MCF2L: variants seen among roughly 807,000 people sequenced by gnomAD.
MCF2L encodes the protein MCF.2 cell line derived transforming sequence like.
Under a neutral mutation model 153.4 loss-of-function variants are expected in MCF2L, and 97 were observed. That is an observed-to-expected ratio of 0.63 (90% CI 0.54 to 0.75). The LOEUF (loss-of-function observed/expected upper bound fraction) is 0.75, where lower values mean the gene tolerates loss of function less well. Among genes scored for constraint, MCF2L ranks in the 30% least tolerant of loss-of-function variants. The pLI, the probability that MCF2L is intolerant of heterozygous loss-of-function variation, is 0.00. For synonymous variants in MCF2L, 659 were observed against 632.2 expected (o/e 1.04, Z -0.64); for missense variants, 1,347 against 1,495.2 (o/e 0.90, Z 1.64).
rs190676918 is a variant in MCF2L, at chr13:113,027,907, G to A, written c.278+3149G>A. Reference sequence around the variant, plus strand: ...GCCAGAGGGGTGTCCTGGGGAGGGCGGTCATCTCCAAGCCTCCAGGCCTTT... The same window carrying A: ...GCCAGAGGGGTGTCCTGGGGAGGGCAGTCATCTCCAAGCCTCCAGGCCTTT... On this transcript the variant is annotated intron_variant, in intron 3 of 29. Coordinates refer to ENST00000535094, the MANE Select transcript of MCF2L (RefSeq NM_001112732.3). The surrounding 1 kb of genome is among the most constrained non-coding windows in gnomAD (Gnocchi z 4.8). Among the ~76,000 whole-genome samples, 7 of 152,314 alleles carry A rather than the reference G, an allele frequency of 4.6e-5. No individual in the cohort carries two copies. The highest frequency in any genetic ancestry group is 2.6e-4 in the Admixed American group (4 of 15,300).
At position 112,969,383 on chromosome 13, in the gene MCF2L, A is replaced by C. The variant is rs777895059; in HGVS notation, c.4A>C (p.Arg2=). The change falls in exon 1 of 30, where the codon AGG becomes CGG. Residue 2 remains arginine, a synonymous_variant. Transcript: ENST00000535094. This position sits in a 1 kb window ranked among gnomAD's most constrained non-coding sequence, Gnocchi z 4.8. M[R]FWLRTEEMAL... Reference sequence around the variant, plus strand: ...ATCATTTTTGTTGTGTCGGAGGATGAGGTTTTGGCTGAGGACTGAAGAGAT... The same window carrying C: ...ATCATTTTTGTTGTGTCGGAGGATGCGGTTTTGGCTGAGGACTGAAGAGAT... 195 of 1,549,974 alleles carry C rather than the reference A, an allele frequency of 1.3e-4. No individual in the cohort carries two copies. Among genetic ancestry groups the C allele is most frequent in the Middle Eastern group, 3.3e-4 (2 of 6,012 alleles).
chr13:113,065,187 G>A (rs760210616), intron 7 of MCF2L, 102 bp downstream of exon 7: 39 of 1,436,784 alleles, frequency 2.7e-5, no homozygotes, highest in Admixed American at 2.0e-4. Context: ...TCGTCCCAGC[G>A]GGAGTTTGTG....
intron 1 of MCF2L, among the ~76,000 whole-genome samples, chr13:112,986,995 T>C (rs2082671442): frequency 6.6e-6 from 1 of 151,954 alleles, no homozygotes; most frequent in African/African-American, 2.4e-5. Context: ...CAGGTGGGAC[T>C]CGGAGCCAGT....
At chr13:112,901,083 G>C (rs1479903644) in intron 1 of MCF2L, among the ~76,000 whole-genome samples, 1 of 152,198 alleles carries the variant, frequency 6.6e-6, no homozygotes, top group Admixed American at 6.5e-5. Context: ...AGCAGAACTG[G>C]GCGACAGGAT....
intron 21 of MCF2L, among the ~76,000 whole-genome samples, chr13:113,086,537 C>T (rs1375601334): frequency 6.6e-6 from 1 of 152,178 alleles, no homozygotes; most frequent in Non-Finnish European, 1.5e-5. Flanking sequence ...CAGCTCAGAC[C>T]TCCTCACTCC....
chr13:113,011,291 C>A (rs2084079401), intron 1 of MCF2L, among the ~76,000 whole-genome samples: 1 of 152,214 alleles, frequency 6.6e-6, no homozygotes, highest in South Asian at 2.1e-4. Context: ...ACAGGGGGAT[C>A]CCTGCTTTTC....
intron 2 of MCF2L, chr13:112,910,442 G>C (rs2081219241): frequency 1.3e-5 from 2 of 152,206 alleles, no homozygotes; most frequent in Admixed American, 6.5e-5. Context: ...CAGCAGTAAG[G>C]GTTTGGAAAT....
At chr13:112,913,650 C>G (rs1016481112) in intron 2 of MCF2L, among the ~76,000 whole-genome samples, 2 of 152,200 alleles carry the variant, frequency 1.3e-5, no homozygotes, top group East Asian at 3.8e-4. Flanking sequence ...GCACGTCCAT[C>G]TGTGGGTCAG....
chr13:113,077,066 G>A lies in MCF2L; in HGVS notation c.1515G>A (p.Lys505=), dbSNP rs750129509. The A allele has an allele frequency of 6.2e-7, 1 of 1,611,926 alleles. No individual in the cohort carries two copies. The highest frequency in any genetic ancestry group is 8.5e-7 in the Non-Finnish European group (1 of 1,179,178). The change falls in exon 13 of 30, where the codon AAG becomes AAA. Residue 505 remains lysine, a synonymous_variant. Transcript: ENST00000535094. The part of the protein sequence containing the change: ...LNQDLMEHVR[K]VFQKQASMEE... ...TGCGGTTTCAGGAGCACGTGCGAAA[G>A]GTCTTCCAGAAGCAGGCAAGCATGG...
chr13:112,984,716 CTG>C (rs1427171046), intron 1 of MCF2L, among the ~76,000 whole-genome samples: 12 of 152,020 alleles, frequency 7.9e-5, no homozygotes, highest in Non-Finnish European at 1.6e-4. Flanking sequence ...GGATCTAAGA[CTG>C]TGCACAAACA....
At chr13:112,996,756 G>T (rs1014161481) in intron 1 of MCF2L, among the ~76,000 whole-genome samples, 1 of 152,230 alleles carries the variant, frequency 6.6e-6, no homozygotes, top group Non-Finnish European at 1.5e-5. Flanking sequence ...TGTGGGTGGA[G>T]ACCTGGTGCC....
chr13:112,928,127 C>T (rs9646114), intron 2 of MCF2L, among the ~76,000 whole-genome samples: 32,742 of 152,180 alleles, frequency 0.22, 4,374 homozygotes, highest in South Asian at 0.31. Flanking sequence ...GTTTACTGAA[C>T]TCTGCACGTG....
At chr13:112,984,206 A>T (rs1393484643) in intron 1 of MCF2L, among the ~76,000 whole-genome samples, 1 of 151,920 alleles carries the variant, frequency 6.6e-6, no homozygotes, top group African/African-American at 2.4e-5. Context: ...AGCCAAGAAA[A>T]ACAGATTGTT....
chr13:112,917,499 G>A (rs767970311), intron 2 of MCF2L: 1 of 308,098 alleles, frequency 3.2e-6, no homozygotes, highest in Non-Finnish European at 6.4e-6. Flanking sequence ...CCGTCTCGCA[G>A]AACAGCAAGC....
chr13:113,023,074 G>A (rs1339794381), intron 2 of MCF2L, among the ~76,000 whole-genome samples: 1 of 152,238 alleles, frequency 6.6e-6, no homozygotes, highest in African/African-American at 2.4e-5. Context: ...CCCTTCGGGG[G>A]CTTCCTTAGA....
Position 113,094,469 on chromosome 13 carries a change from C to T in MCF2L, c.2954-45C>T, listed in dbSNP as rs73578927. On this transcript the variant is annotated intron_variant, in intron 26 of 29. Transcript: ENST00000535094. ...CCCCACCTCAGACAGATGCAGACAG[C>T]GGCTCATCACCGGGGGGTCCCTCAC... The T allele has an allele frequency of 2.3e-4, 363 of 1,571,538 alleles. 1 individual carries two copies. The African/African-American group carries it at 4.4e-3, about 19-fold the overall frequency.
At position 112,914,871 on chromosome 13, in the gene MCF2L, C is replaced by CT. The variant is rs888314835; in HGVS notation, c.169+12511dup. Among the ~76,000 whole-genome samples, 74 of 146,948 alleles carry CT rather than the reference C, an allele frequency of 5.0e-4. No individual in the cohort carries two copies. The East Asian group carries it at 8.5e-3, about 17-fold the overall frequency. On this transcript the variant is annotated intron_variant, in intron 2 of 29. Coordinates refer to the MCF2L transcript ENST00000375608. ...TCAAATCGTCATTGTCTTGACTTTC[C>CT]TTTTTTTTTTTCTTTTGCCACTTAA...
At chr13:112,976,830 G>A (rs1176344332) in intron 1 of MCF2L, among the ~76,000 whole-genome samples, 8 of 152,202 alleles carry the variant, frequency 5.3e-5, no homozygotes, top group South Asian at 2.1e-4. Context: ...CGGGAAACCT[G>A]GAGACAAGGA....
At chr13:112,953,605 G>T (rs768554324) in intron 2 of MCF2L, among the ~76,000 whole-genome samples, 1 of 152,232 alleles carries the variant, frequency 6.6e-6, no homozygotes, top group African/African-American at 2.4e-5. Flanking sequence ...GATCCTGCCT[G>T]CAGACTTCAC....
Sources: gnomAD v4.1 joint callset for allele counts (sites outside exome capture counted in the v4.1 genomes callset) on GRCh38, gnomAD v4.1.1 for gene constraint, Gnocchi (gnomAD v3.1) non-coding constraint, MANE v1.5 for transcripts, NCBI Gene and HGNC (gene_info 2026-07-23, HGNC 2026-07-21) for gene names.